Variants in ARSB observed in about 807,000 individuals in gnomAD.
ARSB encodes arylsulfatase B, also known as N-acetylgalactosamine-4-sulfatase.
ARSB carries 41 observed loss-of-function variants against 50.9 expected under a neutral mutation model. The ratio of observed to expected loss-of-function variants is 0.81; its 90% CI spans 0.63 to 1.04. The LOEUF (loss-of-function observed/expected upper bound fraction) is 1.04, where lower values mean the gene tolerates loss of function less well. Ranked by LOEUF, ARSB falls within the 50% of genes least tolerant of loss-of-function variation. ARSB has a pLI of 0.00. For missense variants in ARSB, 672 were observed against 693.3 expected, an observed-to-expected ratio of 0.97 and a Z score of 0.35; for synonymous variants, 269 against 284.8, an observed-to-expected ratio of 0.94 and a Z score of 0.56.
Position 78,780,415 on chromosome 5 carries a change from C to T in ARSB, c.1584G>A (p.Val528=), listed in dbSNP as rs1028337311. Residue 528 remains valine (V), a synonymous_variant, in exon 8 of 8, where the codon GTG becomes GTA. Transcript: ENST00000264914. The part of the protein sequence containing the change: ...DPRCDPKATG[V]WGPWM ...TGAAATCCTACATCCAAGGGCCCCA[C>T]ACCCCAGTGGCCTTGGGATCACAGC... The T allele has an allele frequency of 1.3e-5, 21 of 1,614,030 alleles. No individual in the cohort carries two copies. The highest frequency in any genetic ancestry group is 1.7e-5 in the Non-Finnish European group (20 of 1,180,044).
intron 5 of ARSB, among the ~76,000 whole-genome samples, chr5:78,848,757 C>T (rs1343029808): frequency 5.9e-5 from 9 of 152,170 alleles, no homozygotes; most frequent in East Asian, 3.8e-4. Context: ...TTAATGATTG[C>T]CATTCTAACT....
rs370443152 is a variant in ARSB at position 78,884,712 on chromosome 5, ATATAT to A, written c.1142+867_1142+871del. 3.6e-3 allele frequency: 542 copies of A among 152,340 alleles called. 3 individuals are homozygous for A. The highest frequency in any genetic ancestry group is 0.013 in the African/African-American group (522 of 41,576). The allele number at this position is 152,340 out of a possible 1,614,324, so 9.4% of individuals were successfully genotyped here. ...ATTAGATTTATGTACAAGTCTACTAATATATTATGTGTCTTAAAAAACATATACTT... is the reference window on the plus strand; with the variant it reads ...ATTAGATTTATGTACAAGTCTACTAATATGTGTCTTAAAAAACATATACTT... On this transcript the variant is annotated intron_variant, in intron 5 of 7. Transcript: ENST00000264914.
At position 78,803,134 on chromosome 5, in the gene ARSB, T is replaced by A. The variant is rs186107578; in HGVS notation, c.1214-21160A>T. 3.9e-5 allele frequency among the ~76,000 whole-genome samples: 6 copies of A among 152,338 alleles called. No individual in the cohort carries two copies. The East Asian group carries it at 1.2e-3, about 29-fold the overall frequency. On this transcript the variant is annotated intron_variant, in intron 6 of 7. Transcript: ENST00000264914. Reference sequence around the variant, plus strand: ...CAATAAAGAGGCTTCTTCAGACAGATGAAGAGCAGGCCCTGTGGGCCATGG... The same window carrying A: ...CAATAAAGAGGCTTCTTCAGACAGAAGAAGAGCAGGCCCTGTGGGCCATGG...
chr5:78,781,742 C>G, intron 7 of ARSB, 110 bp downstream of exon 7: 4 of 1,476,138 alleles, frequency 2.7e-6, no homozygotes, highest in Non-Finnish European at 3.8e-6. Context: ...AGAGAAATGG[C>G]CGTGGGAATC....
intron 6 of ARSB, among the ~76,000 whole-genome samples, chr5:78,790,544 G>A (rs192447314): frequency 6.6e-6 from 1 of 152,182 alleles, no homozygotes; most frequent in African/African-American, 2.4e-5. Flanking sequence ...CTGTTATATT[G>A]TTAAGACAAT....
chr5:78,785,167 C>T lies in ARSB; in HGVS notation c.1214-3193G>A, dbSNP rs1013692232. On this transcript the variant is annotated intron_variant, in intron 6 of 7. Transcript: ENST00000264914. Reference sequence around the variant, plus strand: ...ATCCTATCTGTAGTATGTTTGTTTTCTATTTCATTAACTTCTTTTATCTTT... The same window carrying T: ...ATCCTATCTGTAGTATGTTTGTTTTTTATTTCATTAACTTCTTTTATCTTT... Among the ~76,000 whole-genome samples the T allele has an allele frequency of 2.6e-5, 4 of 152,248 alleles. No homozygotes were observed. The South Asian group carries it at 8.3e-4, about 32-fold the overall frequency.
chr5:78,798,628 C>T (rs907651714), intron 6 of ARSB, among the ~76,000 whole-genome samples: 1 of 152,176 alleles, frequency 6.6e-6, no homozygotes, highest in African/African-American at 2.4e-5. Flanking sequence ...AAAGACGTGT[C>T]TAGGCTCTGA....
intron 5 of ARSB, among the ~76,000 whole-genome samples, chr5:78,878,624 A>C (rs1747597513): frequency 6.6e-6 from 1 of 151,604 alleles, no homozygotes; most frequent in African/African-American, 2.4e-5. Context: ...CTCATGGACC[A>C]TCATGCTTTA....
chr5:78,880,101 G>A (rs1329161829), intron 5 of ARSB, among the ~76,000 whole-genome samples: 1 of 152,090 alleles, frequency 6.6e-6, no homozygotes, highest in African/African-American at 2.4e-5. Flanking sequence ...ACGTGCCCCT[G>A]TTCCATAAGA....
intron 1 of ARSB, 106 bp downstream of exon 1, chr5:78,984,828 GTCC>G: frequency 6.5e-6 from 6 of 928,076 alleles, no homozygotes; most frequent in Non-Finnish European, 8.3e-6. Context: ...TGGGTCGGCG[GTCC>G]GAGCCCCGCC....
chr5:78,785,992 A>G (rs1749071125), intron 6 of ARSB, among the ~76,000 whole-genome samples: 1 of 152,240 alleles, frequency 6.6e-6, no homozygotes, highest in Non-Finnish European at 1.5e-5. Flanking sequence ...AGAGTATATC[A>G]TATAGTTCAC....
At chr5:78,822,122 C>T (rs1744253911) in intron 6 of ARSB, among the ~76,000 whole-genome samples, 3 of 152,074 alleles carry the variant, frequency 2.0e-5, no homozygotes, top group Admixed American at 2.0e-4. Context: ...TTCTTATATG[C>T]TATTTTATTG....
chr5:78,969,343 G>T, intron 1 of ARSB, 151 bp from the exon 2 acceptor site: 4 of 824,474 alleles, frequency 4.9e-6, no homozygotes, highest in Non-Finnish European at 7.7e-6. Context: ...CTGAAAGGCA[G>T]AATTCTCTTA....
intron 4 of ARSB, 50 bp downstream of exon 4, chr5:78,955,245 A>G (rs963988879): frequency 6.3e-7 from 1 of 1,585,414 alleles, no homozygotes; most frequent in African/African-American, 1.3e-5. Flanking sequence ...CTTATCAAAT[A>G]CCATGTCCTA....
upstream of ARSB, chr5:78,985,562 A>C (rs1753151912): frequency 9.8e-6 from 2 of 204,198 alleles, no homozygotes; most frequent in Non-Finnish European, 1.9e-5. Flanking sequence ...TGGTTTCCTA[A>C]AAAAAAAAGA....
chr5:78,928,717 T>C (rs1315374084), intron 4 of ARSB, among the ~76,000 whole-genome samples: 2 of 152,240 alleles, frequency 1.3e-5, no homozygotes, highest in African/African-American at 4.8e-5. Flanking sequence ...AAACCTGAGA[T>C]TTTGAACTTT....
intron 6 of ARSB, among the ~76,000 whole-genome samples, chr5:78,821,227 C>A (rs974431270): frequency 6.6e-6 from 1 of 152,168 alleles, no homozygotes; most frequent in African/African-American, 2.4e-5. Flanking sequence ...CCTCTGCCTC[C>A]CGGGTTCAAG....
At chr5:78,971,044 A>T (rs1254760182) in intron 1 of ARSB, among the ~76,000 whole-genome samples, 1 of 152,198 alleles carries the variant, frequency 6.6e-6, no homozygotes, top group Non-Finnish European at 1.5e-5. Flanking sequence ...AGGCAGTGAG[A>T]CTTGGAGAAA....
chr5:78,984,488 C>T (rs1002966635), intron 1 of ARSB, among the ~76,000 whole-genome samples: 3 of 152,202 alleles, frequency 2.0e-5, no homozygotes, highest in African/African-American at 7.2e-5. Flanking sequence ...CACTCCTAAC[C>T]TATCACCGCT....
Sources: gnomAD v4.1 joint callset for allele counts (sites outside exome capture counted in the v4.1 genomes callset) on GRCh38, gnomAD v4.1.1 for gene constraint, MANE v1.5 for transcripts, NCBI Gene and HGNC (gene_info 2026-07-23, HGNC 2026-07-21) for gene names.